ZDHHC9: variants seen among roughly 807,000 people sequenced by gnomAD.
ZDHHC9 encodes palmitoyltransferase ZDHHC9.
Under a neutral mutation model 26.6 loss-of-function variants are expected in ZDHHC9, and 3 were observed. The ratio of observed to expected loss-of-function variants is 0.11; its 90% CI spans 0.05 to 0.29. The LOEUF (loss-of-function observed/expected upper bound fraction) is 0.29. ZDHHC9 is among the 10% of genes least tolerant of loss of function. The probability of loss-of-function intolerance (pLI) is 1.00; values close to 1 mark genes in which losing one functional copy is unlikely to be tolerated. For synonymous variants in ZDHHC9, 111 were observed against 109.4 expected, an observed-to-expected ratio of 1.01 and a Z score of -0.09; for missense variants, 146 against 296.4, an observed-to-expected ratio of 0.49 and a Z score of 3.73.
intron 5 of ZDHHC9, among the ~76,000 whole-genome samples, chrX:129,815,466 T>C (rs1407908465): frequency 8.9e-6 from 1 of 112,051 alleles, no homozygotes; most frequent in African/African-American, 3.2e-5. Context: ...AAAGAATAAA[T>C]GTTTATTTGT....
intron 3 of ZDHHC9, among the ~76,000 whole-genome samples, chrX:129,835,802 A>G (rs187168418): frequency 1.8e-5 from 2 of 112,303 alleles, no homozygotes; most frequent in East Asian, 5.6e-4. Context: ...AAAAAGAAAA[A>G]GAAAAGAAAA....
At chrX:129,821,236 G>C (rs1222492972) in intron 5 of ZDHHC9, among the ~76,000 whole-genome samples, 2 of 110,468 alleles carry the variant, frequency 1.8e-5, no homozygotes, top group African/African-American at 6.6e-5. Flanking sequence ...ATTCCTCAAA[G>C]ATCTAGAACC....
chrX:129,815,764 T>C (rs1225335640), intron 5 of ZDHHC9, among the ~76,000 whole-genome samples: 1 of 111,339 alleles, frequency 9.0e-6, no homozygotes, highest in Admixed American at 9.6e-5. Context: ...AAAAAAACAA[T>C]GGCAATCTAT....
chrX:129,811,294 G>T, intron 9 of ZDHHC9, 112 bp downstream of exon 9: 1 of 652,324 alleles, frequency 1.5e-6, no homozygotes, highest in Non-Finnish European at 2.4e-6. Context: ...GCCCTGGAAA[G>T]ACCTATTTGA....
At chrX:129,822,825 T>C (rs1927921968) in intron 5 of ZDHHC9, 1 of 111,189 alleles carries the variant, frequency 9.0e-6, no homozygotes, top group South Asian at 3.8e-4. Flanking sequence ...GAAAAAACAT[T>C]ATCCAATCAT....
At chrX:129,821,289 CCTT>C (rs1328750885) in intron 5 of ZDHHC9, among the ~76,000 whole-genome samples, 3 of 105,971 alleles carry the variant, frequency 2.8e-5, no homozygotes, top group African/African-American at 7.4e-5. Flanking sequence ...TGGGTATAGA[CCTT>C]CTTCTTTTTT....
At chrX:129,815,803 TTCTTAGAAA>T (rs1927744499) in intron 5 of ZDHHC9, among the ~76,000 whole-genome samples, 1 of 111,754 alleles carries the variant, frequency 8.9e-6, no homozygotes, top group African/African-American at 3.2e-5. Flanking sequence ...ATATGAAAAG[TTCTTAGAAA>T]TCAATAGGAA....
At chrX:129,823,128 T>G (rs1927929086) in intron 5 of ZDHHC9, 1 of 117,714 alleles carries the variant, frequency 8.5e-6, no homozygotes, top group African/African-American at 3.2e-5. Flanking sequence ...ACTAATTATG[T>G]GAACTTACAT....
chrX:129,821,901 G>GTC, intron 5 of ZDHHC9, among the ~76,000 whole-genome samples: 1 of 110,650 alleles, frequency 9.0e-6, no homozygotes, highest in South Asian at 3.9e-4. Context: ...CAGCCTGGGT[G>GTC]ACACAGTGAG....
At chrX:129,817,795 C>T (rs746864396) in intron 5 of ZDHHC9, among the ~76,000 whole-genome samples, 4 of 109,857 alleles carry the variant, frequency 3.6e-5, no homozygotes, top group Non-Finnish European at 7.6e-5. Flanking sequence ...TGTATCAGTA[C>T]TGTATTCCTT....
At chrX:129,818,614 G>A (rs780006368) in intron 5 of ZDHHC9, among the ~76,000 whole-genome samples, 1 of 112,231 alleles carries the variant, frequency 8.9e-6, no homozygotes, top group East Asian at 2.8e-4. Context: ...AGAACCATAT[G>A]ATGGATTATG....
chrX:129,814,180 G>A (rs977914200), intron 6 of ZDHHC9, among the ~76,000 whole-genome samples: 4 of 111,824 alleles, frequency 3.6e-5, no homozygotes, highest in East Asian at 2.8e-4. Flanking sequence ...TTAGATTGGC[G>A]TGTGTGTGGG....
chrX:129,823,977 C>T (rs979199766), intron 4 of ZDHHC9, 140 bp from the exon 5 acceptor site: 13 of 531,566 alleles, frequency 2.4e-5, no homozygotes, highest in Non-Finnish European at 4.3e-5. Context: ...CTCAACATCA[C>T]AGAATATGCC....
chrX:129,817,862 A>G (rs1927793235), intron 5 of ZDHHC9, among the ~76,000 whole-genome samples: 1 of 111,163 alleles, frequency 9.0e-6, no homozygotes, highest in Non-Finnish European at 1.9e-5. Context: ...TTAACCATTC[A>G]TCTGTTGATA....
At chrX:129,817,987 G>T (rs989789188) in intron 5 of ZDHHC9, among the ~76,000 whole-genome samples, 2 of 111,510 alleles carry the variant, frequency 1.8e-5, no homozygotes, top group Non-Finnish European at 3.8e-5. Context: ...GTTATGGAAT[G>T]AACTGTACCC....
chrX:129,819,736 C>T (rs761913662), intron 5 of ZDHHC9, among the ~76,000 whole-genome samples: 29 of 110,804 alleles, frequency 2.6e-4, no homozygotes, highest in Middle Eastern at 4.6e-3. Flanking sequence ...CTTACTCTGT[C>T]GCCCAGGCTG....
intron 8 of ZDHHC9, among the ~76,000 whole-genome samples, chrX:129,812,106 CAG>C (rs1927656124): frequency 9.4e-6 from 1 of 105,932 alleles, no homozygotes; most frequent in Non-Finnish European, 1.9e-5. Context: ...TTTTTCCAGA[CAG>C]AGTCTCATTC....
At chrX:129,842,209 A>C in intron 2 of ZDHHC9, 129 bp from the exon 3 acceptor site, 1 of 402,564 alleles carries the variant, frequency 2.5e-6, no homozygotes. Context: ...GGAAAAGTTT[A>C]TTTCCAATTC....
At chrX:129,812,106 C>CA (rs1436579130) in intron 8 of ZDHHC9, among the ~76,000 whole-genome samples, 65 of 105,956 alleles carry the variant, frequency 6.1e-4, no homozygotes, top group African/African-American at 1.8e-3. Context: ...TTTTTCCAGA[C>CA]AGAGTCTCAT....
Sources: allele counts gnomAD v4.1 joint callset (sites outside exome capture counted in the v4.1 genomes callset), GRCh38; gene constraint gnomAD v4.1.1; transcripts MANE v1.5; gene names NCBI Gene and HGNC (gene_info 2026-07-23, HGNC 2026-07-21).